NSMAF: variants seen among roughly 807,000 people sequenced by gnomAD.
NSMAF encodes protein FAN.
NSMAF carries 90 observed loss-of-function variants against 134.9 expected under a neutral mutation model. That is an observed-to-expected ratio of 0.67 (90% CI 0.56 to 0.79). The LOEUF is 0.79. Ranked by LOEUF, NSMAF falls within the 30% of genes least tolerant of loss-of-function variation. The pLI is 0.00. For synonymous variants in NSMAF, 358 were observed against 389.6 expected (o/e 0.92, Z 0.96); for missense variants, 1,010 against 1,119.0 (o/e 0.90, Z 1.39).
In NSMAF at chr8:58,609,722, A is replaced by G; in HGVS notation, c.569T>C (p.Ile190Thr). ...TSFDKNRFQN[I>T]SEKLHMECKA... is the part of the protein sequence containing the mutation. ...GCATTCCATGTGCAGCTTTTCAGAA[A>G]TGTTTTGGAACCTGAAAATAGGTTT... The change falls in exon 10 of 31, where the codon ATT (isoleucine) becomes ACT (threonine). Residue 190 changes from isoleucine to threonine, a missense_variant. Transcript: ENST00000038176. 6.2e-7 allele frequency: 1 copy of G among 1,614,108 alleles called. No homozygotes were observed. Among genetic ancestry groups the G allele is most frequent in the Non-Finnish European group, 8.5e-7 (1 of 1,179,988 alleles).
intron 2 of NSMAF, among the ~76,000 whole-genome samples, chr8:58,636,326 G>A (rs901066950): frequency 6.6e-6 from 1 of 152,144 alleles, no homozygotes; most frequent in Non-Finnish European, 1.5e-5. Flanking sequence ...AAAAATCTCT[G>A]AAGACAGCCT....
intron 1 of NSMAF, among the ~76,000 whole-genome samples, chr8:58,647,292 G>A (rs1203613686): frequency 1.3e-5 from 2 of 152,238 alleles, no homozygotes; most frequent in South Asian, 4.1e-4. Flanking sequence ...GCCCCTACTA[G>A]AGAGTTGATT....
chr8:58,635,285 C>A lies in NSMAF; in HGVS notation c.296+20G>T. On this transcript the variant is annotated intron_variant, in intron 4 of 30. Transcript: ENST00000038176. ...GCTTTTTGGTTGAAGTAAAATTAAA[C>A]AGTGGTGAAAATGACATACTTTGTG... The A allele has an allele frequency of 1.2e-6, 2 of 1,609,402 alleles. No individual in the cohort carries two copies. The highest frequency in any genetic ancestry group is 1.7e-6 in the Non-Finnish European group (2 of 1,177,782).
At chr8:58,629,873 C>T (rs1807017839) in intron 6 of NSMAF, among the ~76,000 whole-genome samples, 1 of 152,194 alleles carries the variant, frequency 6.6e-6, no homozygotes. Flanking sequence ...TACCACAGGT[C>T]CTTTGAAGCA....
rs751911930 is a variant in NSMAF, at chr8:58,601,580, T to C, written c.1126-45A>G. On this transcript the variant is annotated intron_variant, in intron 14 of 30. Transcript: ENST00000038176. Reference sequence around the variant, plus strand: ...AAAAAATAGAGCTAAGTGTTGGCTATGAAATAATAACTGACAAGTAGAAAA... The same window carrying C: ...AAAAAATAGAGCTAAGTGTTGGCTACGAAATAATAACTGACAAGTAGAAAA... 30 of 1,554,912 alleles carry C rather than the reference T, an allele frequency of 1.9e-5. No individual in the cohort carries two copies. In the African/African-American group the frequency reaches 2.7e-4, roughly 14 times the overall value.
At chr8:58,613,891 T>C (rs1447143262) in intron 9 of NSMAF, among the ~76,000 whole-genome samples, 1 of 152,188 alleles carries the variant, frequency 6.6e-6, no homozygotes, top group African/African-American at 2.4e-5. Context: ...CCTTTGACCA[T>C]CATGTTGGCA....
At chr8:58,607,259 A>T (rs554744322) in intron 11 of NSMAF, among the ~76,000 whole-genome samples, 96 of 152,384 alleles carry the variant, frequency 6.3e-4, no homozygotes, top group African/African-American at 2.2e-3. Flanking sequence ...ATAGAAATAC[A>T]CTTATTCAGG....
chr8:58,645,210 C>G (rs982484986), intron 1 of NSMAF, among the ~76,000 whole-genome samples: 1 of 151,552 alleles, frequency 6.6e-6, no homozygotes, highest in Non-Finnish European at 1.5e-5. Context: ...CAGTAGCCCC[C>G]AATTCTTTTC....
chr8:58,609,131 G>A (rs1008128321), intron 10 of NSMAF, among the ~76,000 whole-genome samples: 1 of 152,214 alleles, frequency 6.6e-6, no homozygotes, highest in South Asian at 2.1e-4. Context: ...TAGCTGGGAG[G>A]ACCTGCTCAT....
rs1292488315 is a variant in NSMAF, at chr8:58,583,863, C to T, written c.*243G>A. ...TCTTCTGACAATCATCATACGGGGA[C>T]GATCATCTGCCTTACAGTGTAACAT... On this transcript the variant is annotated 3_prime_UTR_variant, in exon 31 of 31. Transcript: ENST00000038176. The T allele has an allele frequency of 2.3e-5, 11 of 482,512 alleles. No homozygotes were observed. The highest frequency in any genetic ancestry group is 1.2e-4 in the African/African-American group (6 of 50,324). 29.9% of individuals were successfully genotyped at this position (482,512 alleles called of 1,614,324 possible). A position where few individuals can be genotyped will look rare whatever the true frequency, so the allele number is the denominator to read the frequency against.
intron 23 of NSMAF, 24 bp from the exon 24 acceptor site, chr8:58,590,958 T>C: frequency 6.4e-7 from 1 of 1,559,382 alleles, no homozygotes; most frequent in South Asian, 1.1e-5. Flanking sequence ...GAGAAGTAGA[T>C]ATATAAGAAA....
At chr8:58,658,780 G>C (rs577371565) in intron 1 of NSMAF, among the ~76,000 whole-genome samples, 2 of 152,180 alleles carry the variant, frequency 1.3e-5, no homozygotes, top group Non-Finnish European at 2.9e-5. Context: ...ACTTCCCTTG[G>C]GGACAGGTCC....
At position 58,588,647 on chromosome 8, in the gene NSMAF, C is replaced by T. The variant is rs577496776; in HGVS notation, c.2211+805G>A. 5.3e-5 allele frequency: 81 copies of T among 1,533,726 alleles called. No individual in the cohort carries two copies. In the Middle Eastern group the frequency reaches 8.6e-4, roughly 16 times the overall value. On this transcript the variant is annotated intron_variant, in intron 26 of 30. Coordinates refer to ENST00000038176, the MANE Select transcript of NSMAF (RefSeq NM_003580.4). ...GCGGCCTCCACTATGTTTCGAATGA[C>T]GAATTTCTTAATGGCCTTGTCCTTG...
intron 1 of NSMAF, among the ~76,000 whole-genome samples, chr8:58,650,791 A>C: frequency 1.3e-5 from 2 of 152,344 alleles, no homozygotes; most frequent in East Asian, 3.9e-4. Flanking sequence ...AATTAAGTAA[A>C]GTTCTCAAGT....
intron 1 of NSMAF, among the ~76,000 whole-genome samples, chr8:58,656,379 C>G (rs1042304396): frequency 2.0e-5 from 3 of 152,106 alleles, no homozygotes; most frequent in Admixed American, 1.3e-4. Context: ...CTTAAAATTA[C>G]CAAAACATTT....
At chr8:58,607,661 C>A in intron 11 of NSMAF, 108 bp downstream of exon 11, 1 of 812,352 alleles carries the variant, frequency 1.2e-6, no homozygotes, top group South Asian at 1.4e-5. Flanking sequence ...TCTTACAGGA[C>A]AGTGTACTTG....
intron 26 of NSMAF, chr8:58,588,296 G>C: frequency 1.5e-6 from 1 of 665,192 alleles, no homozygotes; most frequent in Non-Finnish European, 2.6e-6. Context: ...TAAATAAAAT[G>C]TGTCTTTTAA....
chr8:58,620,409 A>T lies in NSMAF; in HGVS notation c.557+2811T>A, dbSNP rs565722647. On this transcript the variant is annotated intron_variant, in intron 9 of 30. Coordinates refer to ENST00000038176, the MANE Select transcript of NSMAF (RefSeq NM_003580.4). ...GCACAGAATTCAAGATGCATCATCA[A>T]CGACTAGTAGTAAATAAGAGCTAGC... Among the ~76,000 whole-genome samples the T allele has an allele frequency of 1.3e-4, 20 of 152,356 alleles. No individual in the cohort carries two copies. The South Asian group carries it at 3.9e-3, about 30-fold the overall frequency.
intron 11 of NSMAF, 113 bp downstream of exon 11, chr8:58,607,656 C>T (rs927536478): frequency 1.6e-5 from 12 of 771,624 alleles, no homozygotes; most frequent in South Asian, 3.1e-5. Flanking sequence ...TATTTTCTTA[C>T]AGGACAGTGT....
Sources: allele counts gnomAD v4.1 joint callset (sites outside exome capture counted in the v4.1 genomes callset), GRCh38; gene constraint gnomAD v4.1.1; transcripts MANE v1.5; gene names NCBI Gene and HGNC (gene_info 2026-07-23, HGNC 2026-07-21).